SEMA3G: variants seen among roughly 807,000 people sequenced by gnomAD.
SEMA3G encodes the protein semaphorin-3G.
A neutral mutation model predicts 86.2 loss-of-function variants in SEMA3G; 70 were observed. The ratio of observed to expected loss-of-function variants is 0.81; its 90% CI spans 0.67 to 0.99. SEMA3G has a LOEUF of 0.99. Among genes scored for constraint, SEMA3G ranks in the 50% least tolerant of loss-of-function variants. The pLI is 0.00. For missense variants in SEMA3G, 1,002 were observed against 1,072.4 expected (o/e 0.93, Z 0.92); for synonymous variants, 416 against 441.4 (o/e 0.94, Z 0.72).
rs559824464 is a variant in SEMA3G at position 52,440,052 on chromosome 3, G to A, written c.1190C>T (p.Thr397Ile). The stretch of plus-strand genomic sequence containing the variant: ...CAGCACCTCATCTGGGTAGTCCTTG[G>A]TGCTGCCAAAAGGCCGTCCTGGCTG... ...TAQPGRPFGS[T>I]KDYPDEVLQF... is the part of the protein sequence containing the mutation. Residue 397 changes from threonine (T) to isoleucine (I), a missense_variant, in exon 11 of 16, where the codon ACC becomes ATC. Coordinates refer to ENST00000231721, the MANE Select transcript of SEMA3G (RefSeq NM_020163.3). 1 of 1,599,938 alleles carries A rather than the reference G, an allele frequency of 6.3e-7. No individual in the cohort carries two copies. The highest frequency in any genetic ancestry group is 8.5e-7 in the Non-Finnish European group (1 of 1,169,808).
chr3:52,440,595 C>A (rs1428192616), intron 9 of SEMA3G, 74 bp from the exon 10 acceptor site: 2 of 1,534,716 alleles, frequency 1.3e-6, no homozygotes, highest in African/African-American at 1.4e-5. Context: ...GTTCCATGGG[C>A]AGGACAGAGG....
At chr3:52,436,737 AT>A (rs552606316) in intron 15 of SEMA3G, among the ~76,000 whole-genome samples, 117 of 152,320 alleles carry the variant, frequency 7.7e-4, no homozygotes, top group African/African-American at 2.7e-3. Flanking sequence ...TAGTCTGCAC[AT>A]CTGTGTGTTG....
At position 52,436,699 on chromosome 3, in the gene SEMA3G, G is replaced by A. The variant is rs1045504293; in HGVS notation, c.1879-626C>T. Among the ~76,000 whole-genome samples the A allele has an allele frequency of 5.3e-5, 8 of 152,360 alleles. No homozygotes were observed. The East Asian group carries it at 9.6e-4, about 18-fold the overall frequency. On this transcript the variant is annotated intron_variant, in intron 15 of 15. Coordinates refer to ENST00000231721, the MANE Select transcript of SEMA3G (RefSeq NM_020163.3). ...GGGAGTGCCGCCCTGATCCCAGCCC[G>A]CCTCTGGCCTGGACCCTGTGTGGGT...
chr3:52,439,646 C>G, intron 12 of SEMA3G, 34 bp downstream of exon 12: 10 of 1,568,820 alleles, frequency 6.4e-6, no homozygotes, highest in Non-Finnish European at 8.8e-6. Context: ...AGAGATGGGG[C>G]TTGGAGGGAC....
intron 13 of SEMA3G, 78 bp from the exon 14 acceptor site, chr3:52,438,277 T>C: frequency 6.9e-7 from 1 of 1,453,636 alleles, no homozygotes; most frequent in Non-Finnish European, 9.4e-7. Context: ...CCCCTCAGCT[T>C]CCTGAGACCC....
intron 9 of SEMA3G, 98 bp downstream of exon 9, chr3:52,440,656 C>G: frequency 6.8e-7 from 1 of 1,471,960 alleles, no homozygotes; most frequent in African/African-American, 1.4e-5. Flanking sequence ...GACCCCAAGG[C>G]AAAGGCAAAG....
rs150840276 is a variant in SEMA3G, at chr3:52,438,017, G to C, written c.1692C>G (p.Ile564Met). Reference protein sequence around the residue: ...LGKRRFRRQDIRHGNPALQCL... With the variant: ...LGKRRFRRQDMRHGNPALQCL... ...ACTGCAGGGCAGGGTTGCCGTGCCG[G>C]ATGTCCTGCCGGCGGAACCGGCGCT... Residue 564 changes from isoleucine (I) to methionine (M), a missense_variant, in exon 14 of 16, where the codon ATC becomes ATG. By Grantham distance (10) the Ile-to-Met change is conservative. Transcript: ENST00000231721. 6.2e-7 allele frequency: 1 copy of C among 1,613,030 alleles called. No individual in the cohort carries two copies. Among genetic ancestry groups the C allele is most frequent in the Non-Finnish European group, 8.5e-7 (1 of 1,179,978 alleles).
At chr3:52,439,083 C>T in intron 12 of SEMA3G, 122 bp from the exon 13 acceptor site, 2 of 1,015,378 alleles carry the variant, frequency 2.0e-6, no homozygotes, top group South Asian at 1.6e-5. Context: ...GGGTCTTGCA[C>T]TCCCTGGCAG....
Position 52,435,779 on chromosome 3 carries a change from A to C in SEMA3G, c.2173T>G (p.Tyr725Asp). Residue 725 changes from tyrosine (Y) to aspartate (D), a missense_variant, in exon 16 of 16, where the codon TAC becomes GAC. By Grantham distance (160) the Tyr-to-Asp change is radical. Transcript: ENST00000231721. Reference protein sequence around the residue: ...GFANLPRVDEYCERVWCRGTT... With the variant: ...GFANLPRVDEDCERVWCRGTT... Reference sequence around the variant, plus strand: ...CCCCTGCACCACACGCGCTCACAGTACTCATCCACCCGGGGCAGGTTGGCG... The same window carrying C: ...CCCCTGCACCACACGCGCTCACAGTCCTCATCCACCCGGGGCAGGTTGGCG... 1.2e-6 allele frequency: 2 copies of C among 1,613,936 alleles called. No homozygotes were observed. The highest frequency in any genetic ancestry group is 1.7e-6 in the Non-Finnish European group (2 of 1,179,966).
At position 52,440,442 on chromosome 3, in the gene SEMA3G, G is replaced by C. The variant is rs778019011; in HGVS notation, c.1078C>G (p.Arg360Gly). Residue 360 changes from arginine (R) to glycine (G), a missense_variant, in exon 10 of 16, where the codon CGA becomes GGA. Arg to Gly is a moderately radical substitution (Grantham distance 125). Coordinates refer to ENST00000231721, the MANE Select transcript of SEMA3G (RefSeq NM_020163.3). The stretch of plus-strand genomic sequence containing the variant: ...CCCCACTGGTGCTGAGGCCCATCTC[G>C]GTGGGCAAAGGGCCCGTTGAAAACC... Reference protein sequence around the residue: ...WEVFNGPFAHRDGPQHQWGPY... With the variant: ...WEVFNGPFAHGDGPQHQWGPY... 9 of 1,610,442 alleles carry C rather than the reference G, an allele frequency of 5.6e-6. No homozygotes were observed. The highest frequency in any genetic ancestry group is 7.6e-6 in the Non-Finnish European group (9 of 1,179,116).
At chr3:52,443,276 CG>C (rs1706196033) in intron 1 of SEMA3G, among the ~76,000 whole-genome samples, 2 of 152,192 alleles carry the variant, frequency 1.3e-5, no homozygotes, top group African/African-American at 4.8e-5. Flanking sequence ...GGAGGAAGGG[CG>C]GGAGTCTTTG....
At position 52,441,383 on chromosome 3, in the gene SEMA3G, T is replaced by A; in HGVS notation, c.694A>T (p.Ile232Phe). The part of the protein sequence containing the change: ...HDPRFVMAAR[I>F]PENSDQDNDK... ...TTGTCCTGGTCAGAGTTCTCAGGGATCCGGGCGGCCATCACAAACCGGGGG... is the reference window on the plus strand; with the variant it reads ...TTGTCCTGGTCAGAGTTCTCAGGGAACCGGGCGGCCATCACAAACCGGGGG... Residue 232 changes from isoleucine to phenylalanine, a missense_variant, in exon 7 of 16, where the codon ATC becomes TTC. Ile to Phe is a conservative substitution (Grantham distance 21, BLOSUM62 0). Coordinates refer to ENST00000231721, the MANE Select transcript of SEMA3G (RefSeq NM_020163.3). 1 of 1,613,364 alleles carries A rather than the reference T, an allele frequency of 6.2e-7. No individual in the cohort carries two copies. Among genetic ancestry groups the A allele is most frequent in the South Asian group, 1.1e-5 (1 of 91,032 alleles).
Position 52,437,591 on chromosome 3 carries a change from G to A in SEMA3G, c.1814C>T (p.Pro605Leu), listed in dbSNP as rs1210181658. ...EHNSTFLECL[P>L]KSPQAAVRWL... ...GCGCACAGCAGCCTGGGGAGACTTG[G>A]GCAGGCACTCCAGGAAGGTGCTATT... The change falls in exon 15 of 16, where the codon CCC becomes CTC. Residue 605 changes from proline (P) to leucine (L), a missense_variant. Coordinates refer to ENST00000231721, the MANE Select transcript of SEMA3G (RefSeq NM_020163.3). The A allele has an allele frequency of 2.5e-6, 4 of 1,613,142 alleles. No homozygotes were observed. In the South Asian group the frequency reaches 4.4e-5, roughly 18 times the overall value.
chr3:52,442,887 A>G lies in SEMA3G; in HGVS notation c.136T>C (p.Ser46Pro). Reference protein sequence around the residue: ...SYRDLLSANRSAIFLGPQGSL... With the variant: ...SYRDLLSANRPAIFLGPQGSL... ...CCCTGGGGGCCCAGAAAGATGGCAGAGCGGTTGGCAGACAGGAGGTCTAGG... is the reference window on the plus strand; with the variant it reads ...CCCTGGGGGCCCAGAAAGATGGCAGGGCGGTTGGCAGACAGGAGGTCTAGG... The change falls in exon 2 of 16, where the codon TCT becomes CCT. Residue 46 changes from serine to proline, a missense_variant. Transcript: ENST00000231721. The surrounding 1 kb of genome is among the most constrained non-coding windows in gnomAD (Gnocchi z 6.1). The G allele has an allele frequency of 6.2e-7, 1 of 1,601,954 alleles. No individual in the cohort carries two copies. The highest frequency in any genetic ancestry group is 8.5e-7 in the Non-Finnish European group (1 of 1,174,280).
Position 52,442,624 on chromosome 3 carries a change from G to C in SEMA3G, c.277-3C>G, listed in dbSNP as rs1321104279. 1 of 1,613,976 alleles carries C rather than the reference G, an allele frequency of 6.2e-7. No homozygotes were observed. The highest frequency in any genetic ancestry group is 1.3e-5 in the African/African-American group (1 of 74,906). On this transcript the variant is annotated splice_region_variant and splice_polypyrimidine_tract_variant and intron_variant, in intron 2 of 15. Coordinates refer to ENST00000231721, the MANE Select transcript of SEMA3G (RefSeq NM_020163.3). This position sits in a 1 kb window ranked among gnomAD's most constrained non-coding sequence, Gnocchi z 6.1. ...CCTGGCTGCGGTGGCCACAGGACCT[G>C]GAACACAGCCCCGCTGACCTCAGGT...
At chr3:52,438,557 T>C (rs1706090228) in intron 13 of SEMA3G, 1 of 985,386 alleles carries the variant, frequency 1.0e-6, no homozygotes, top group African/African-American at 1.7e-5. Context: ...AGTTAGGATT[T>C]ACACAAAGAT....
intron 13 of SEMA3G, 106 bp from the exon 14 acceptor site, chr3:52,438,305 T>C: frequency 7.1e-7 from 1 of 1,416,538 alleles, no homozygotes; most frequent in South Asian, 1.3e-5. Context: ...TTGCAGGAAG[T>C]CTTCCAGAAC....
chr3:52,444,880 A>G (rs1323757568), intron 1 of SEMA3G, 33 bp downstream of exon 1: 2 of 1,296,134 alleles, frequency 1.5e-6, no homozygotes, highest in South Asian at 2.6e-5. Context: ...AACAGGGCAC[A>G]TGCACACAAA....
chr3:52,444,510 G>A (rs1035137553), intron 1 of SEMA3G, among the ~76,000 whole-genome samples: 3 of 146,474 alleles, frequency 2.0e-5, no homozygotes, highest in African/African-American at 5.1e-5. Flanking sequence ...CATGGCACAC[G>A]CACACAAACT....
Sources: gnomAD v4.1 joint callset for allele counts (sites outside exome capture counted in the v4.1 genomes callset) on GRCh38, gnomAD v4.1.1 for gene constraint, Gnocchi (gnomAD v3.1) non-coding constraint, MANE v1.5 for transcripts, NCBI Gene and HGNC (gene_info 2026-07-23, HGNC 2026-07-21) for gene names.